The following USP4 variants were observed in gnomAD, a reference collection of about 807,000 sequenced individuals.
USP4 encodes ubiquitin carboxyl-terminal hydrolase 4.
A neutral mutation model predicts 118.2 loss-of-function variants in USP4; 72 were observed. The observed-to-expected ratio is 0.61, with a 90% CI of 0.50 to 0.74. The LOEUF is 0.74. Ranked by LOEUF, USP4 falls within the 30% of genes least tolerant of loss-of-function variation. USP4 has a pLI of 0.00. For synonymous variants in USP4, 415 were observed against 440.4 expected (o/e 0.94, Z 0.72); for missense variants, 1,037 against 1,185.7 (o/e 0.87, Z 1.84).
intron 9 of USP4, among the ~76,000 whole-genome samples, chr3:49,305,068 G>T (rs932041816): frequency 4.2e-5 from 6 of 142,302 alleles, no homozygotes; most frequent in Non-Finnish European, 9.2e-5. Context: ...GGACTTTTTT[G>T]TTGTTGTTGT....
intron 15 of USP4, among the ~76,000 whole-genome samples, chr3:49,290,058 G>A (rs898117811): frequency 2.0e-5 from 3 of 152,182 alleles, no homozygotes; most frequent in African/African-American, 7.2e-5. Flanking sequence ...GGAGGTCAAG[G>A]CTGCAGTGAG....
intron 13 of USP4, among the ~76,000 whole-genome samples, chr3:49,296,097 C>T (rs2047205555): frequency 6.6e-6 from 1 of 151,676 alleles, no homozygotes; most frequent in Non-Finnish European, 1.5e-5. Context: ...TTTGGGAGGC[C>T]GAGGGGGACG....
rs142835015 is a variant in USP4 at position 49,284,003 on chromosome 3, C to T, written c.2524G>A (p.Val842Ile). Residue 842 changes from valine to isoleucine, a missense_variant, in exon 19 of 22, where the codon GTA (valine) becomes ATA (isoleucine). Val to Ile is a conservative substitution (Grantham distance 29, BLOSUM62 3). This residue lies in a region of USP4 where 522 missense variants were observed against 592.6 expected (regional missense o/e 0.88). Coordinates refer to ENST00000265560, the MANE Select transcript of USP4 (RefSeq NM_003363.4). ...ATGACCCACCTGATTGGGAATTCTA[C>T]GACTGTGTCGAGCTTATCCCTCCAG... ...RYWRDKLDTV[V>I]EFPIRGLNMS... is the part of the protein sequence containing the mutation. The T allele has an allele frequency of 1.7e-5, 27 of 1,614,124 alleles. No individual in the cohort carries two copies. The highest frequency in any genetic ancestry group is 4.5e-5 in the East Asian group (2 of 44,902).
chr3:49,328,990 C>A (rs2047586021), intron 2 of USP4, among the ~76,000 whole-genome samples: 1 of 151,932 alleles, frequency 6.6e-6, no homozygotes, highest in Non-Finnish European at 1.5e-5. Flanking sequence ...CCAGCCTGGC[C>A]AGGGTAGTGA....
chr3:49,278,981 A>C, intron 20 of USP4, 79 bp from the exon 21 acceptor site: 1 of 951,412 alleles, frequency 1.1e-6, no homozygotes. Context: ...GCACTAAATA[A>C]ACACAAAAAT....
intron 1 of USP4, among the ~76,000 whole-genome samples, chr3:49,336,165 CTTTTTTTTTTT>C (rs34604530): frequency 4.8e-5 from 4 of 83,016 alleles, no homozygotes; most frequent in Admixed American, 3.3e-4. Context: ...CACCTGGCCT[CTTTTTTTTTTT>C]TTTTTTTTTT....
chr3:49,339,993 G>A lies in USP4; in HGVS notation c.32C>T (p.Pro11Leu), dbSNP rs764911827. The A allele has an allele frequency of 2.5e-6, 4 of 1,610,946 alleles. No homozygotes were observed. Among genetic ancestry groups the A allele is most frequent in the Non-Finnish European group, 2.5e-6 (3 of 1,179,830 alleles). ...CTCGGACTTCTGAGTCTCCGCATCC[G>A]GTCGCTCACGGCAGCCTCCACCTTC... The part of the protein sequence containing the change: MAEGGGCRER[P>L]DAETQKSELG... Residue 11 changes from proline (P) to leucine (L), a missense_variant, in exon 1 of 22, where the codon CCG becomes CTG. Pro to Leu is a moderately conservative substitution (Grantham distance 98, BLOSUM62 -3). Around this residue, in one of 3 missense-constraint regions of USP4, gnomAD observed 487 missense variants for 534.1 expected, o/e 0.91. Transcript: ENST00000265560.
chr3:49,315,095 G>A (rs1357485858), intron 6 of USP4, among the ~76,000 whole-genome samples: 1 of 150,766 alleles, frequency 6.6e-6, no homozygotes, highest in Non-Finnish European at 1.5e-5. Flanking sequence ...AATTAACACA[G>A]TAAGATTTAA....
At chr3:49,309,891 T>C (rs1313101477) in intron 8 of USP4, among the ~76,000 whole-genome samples, 1 of 147,690 alleles carries the variant, frequency 6.8e-6, no homozygotes, top group Non-Finnish European at 1.5e-5. Context: ...CCTCCCAAAG[T>C]GCTGGGATTA....
At chr3:49,335,670 T>C in intron 1 of USP4, 74 bp from the exon 2 acceptor site, 1 of 1,567,238 alleles carries the variant, frequency 6.4e-7, no homozygotes, top group Non-Finnish European at 8.8e-7. Flanking sequence ...CCTTAATCTT[T>C]TTTATGGTCC....
At chr3:49,335,415 C>G in intron 2 of USP4, 54 bp downstream of exon 2, 1 of 1,612,272 alleles carries the variant, frequency 6.2e-7, no homozygotes, top group African/African-American at 1.3e-5. Flanking sequence ...ATGCACATAA[C>G]ATCAGGCCAC....
At chr3:49,278,923 A>C in intron 20 of USP4, 21 bp from the exon 21 acceptor site, 1 of 1,552,484 alleles carries the variant, frequency 6.4e-7, no homozygotes, top group Non-Finnish European at 8.9e-7. Flanking sequence ...AACAAAGAAA[A>C]TACTCTAGCG....
chr3:49,284,997 G>C (rs1345535641), intron 16 of USP4, 78 bp from the exon 17 acceptor site: 1 of 1,134,440 alleles, frequency 8.8e-7, no homozygotes, highest in Non-Finnish European at 1.3e-6. Context: ...GAGTGAGAAG[G>C]ACCACACTCA....
At position 49,297,889 on chromosome 3, in the gene USP4, G is replaced by A; in HGVS notation, c.1672C>T (p.Pro558Ser). The A allele has an allele frequency of 1.9e-6, 3 of 1,614,004 alleles. No homozygotes were observed. The highest frequency in any genetic ancestry group is 2.5e-6 in the Non-Finnish European group (3 of 1,179,904). Reference protein sequence around the residue: ...QMDEGLNHIMPRDDIFVYEVC... With the variant: ...QMDEGLNHIMSRDDIFVYEVC... ...ACTCACACGAAAATGTCATCCCGAG[G>A]CATGATGTGGTTTAAACCTTCATCC... Residue 558 changes from proline to serine, a missense_variant, in exon 13 of 22, where the codon CCT (proline) becomes TCT (serine). Around this residue, in one of 3 missense-constraint regions of USP4, gnomAD observed 522 missense variants for 592.6 expected, o/e 0.88. Transcript: ENST00000265560.
chr3:49,287,250 G>A (rs1344440283), intron 15 of USP4, among the ~76,000 whole-genome samples: 2 of 152,254 alleles, frequency 1.3e-5, no homozygotes, highest in East Asian at 1.9e-4. Flanking sequence ...CGCCTTCTGG[G>A]TTCAAGCAAT....
rs1192294947 is a variant in USP4 at position 49,278,800 on chromosome 3, C to G, written c.2733+14G>C. On this transcript the variant is annotated intron_variant, in intron 21 of 21. Coordinates refer to ENST00000265560, the MANE Select transcript of USP4 (RefSeq NM_003363.4). Reference sequence around the variant, plus strand: ...AACGACATGAGGAAGAACCACATATCATGGCCTACTCACCACTATCTGATC... The same window carrying G: ...AACGACATGAGGAAGAACCACATATGATGGCCTACTCACCACTATCTGATC... 1 of 1,580,294 alleles carries G rather than the reference C, an allele frequency of 6.3e-7. No homozygotes were observed. The highest frequency in any genetic ancestry group is 1.1e-5 in the South Asian group (1 of 87,956).
In USP4 at chr3:49,292,570, C is replaced by T. The variant is rs369181729; in HGVS notation, c.1912G>A (p.Glu638Lys). 1.9e-6 allele frequency: 3 copies of T among 1,600,100 alleles called. No individual in the cohort carries two copies. Among genetic ancestry groups the T allele is most frequent in the Non-Finnish European group, 2.6e-6 (3 of 1,172,950 alleles). The change falls in exon 15 of 22, where the codon GAG becomes AAG. Residue 638 changes from glutamate (E) to lysine (K), a missense_variant. Around this residue, in one of 3 missense-constraint regions of USP4, gnomAD observed 522 missense variants for 592.6 expected, o/e 0.88. Coordinates refer to ENST00000265560, the MANE Select transcript of USP4 (RefSeq NM_003363.4). ...SRYVKQPLPD[E>K]FGSSPLEPGA... ...GGCTCCAAGGGTGAGCTGCCAAACT[C>T]ATCAGGTAAAGGCTGTTTCACATAG...
intron 15 of USP4, among the ~76,000 whole-genome samples, chr3:49,287,972 C>T (rs936674437): frequency 6.6e-6 from 1 of 151,962 alleles, no homozygotes; most frequent in African/African-American, 2.4e-5. Context: ...AGATGGGGAC[C>T]ACTCCAAAAG....
chr3:49,290,057 G>A (rs1376762760), intron 15 of USP4, among the ~76,000 whole-genome samples: 1 of 152,196 alleles, frequency 6.6e-6, no homozygotes, highest in Non-Finnish European at 1.5e-5. Context: ...AGGAGGTCAA[G>A]GCTGCAGTGA....
Sources: gnomAD v4.1 joint callset for allele counts (sites outside exome capture counted in the v4.1 genomes callset) on GRCh38, gnomAD v4.1.1 for gene constraint, gnomAD v4.1.1 regional missense constraint, MANE v1.5 for transcripts, NCBI Gene and HGNC (gene_info 2026-07-23, HGNC 2026-07-21) for gene names.